Variants in CNTN6 observed in about 807,000 individuals in gnomAD.
CNTN6 encodes contactin-6.
Under a neutral mutation model 122.8 loss-of-function variants are expected in CNTN6, and 137 were observed. That is an observed-to-expected ratio of 1.12 (90% CI 0.97 to 1.29). The LOEUF (loss-of-function observed/expected upper bound fraction) is 1.29. CNTN6 is among the 50% of genes most tolerant of loss of function. CNTN6 has a pLI of 0.00. For missense variants in CNTN6, 1,634 were observed against 1,223.4 expected (o/e 1.34, Z -5.01); for synonymous variants, 570 against 426.0 (o/e 1.34, Z -4.16).
chr3:1,397,859 C>G (rs562187523), intron 20 of CNTN6, among the ~76,000 whole-genome samples: 1 of 152,198 alleles, frequency 6.6e-6, no homozygotes, highest in South Asian at 2.1e-4. Context: ...GCCCAAATGT[C>G]AACCCCATGC....
intron 2 of CNTN6, among the ~76,000 whole-genome samples, chr3:1,156,570 G>A (rs1273415476): frequency 6.6e-6 from 1 of 152,156 alleles, no homozygotes; most frequent in Non-Finnish European, 1.5e-5. Flanking sequence ...GGCAAAGGAA[G>A]AAACGATATT....
At chr3:1,255,178 TCTG>T (rs376332112) in intron 4 of CNTN6, among the ~76,000 whole-genome samples, 35 of 152,256 alleles carry the variant, frequency 2.3e-4, no homozygotes, top group African/African-American at 8.4e-4. Context: ...TATTGTCACT[TCTG>T]CTGCATTTTG....
At chr3:1,279,754 T>C (rs762689837) in intron 5 of CNTN6, among the ~76,000 whole-genome samples, 1 of 152,220 alleles carries the variant, frequency 6.6e-6, no homozygotes, top group Non-Finnish European at 1.5e-5. Context: ...CCAAATCTTA[T>C]TTATGAGCCT....
At chr3:1,350,844 G>C (rs1705512028) in intron 11 of CNTN6, among the ~76,000 whole-genome samples, 1 of 151,684 alleles carries the variant, frequency 6.6e-6, no homozygotes, top group Non-Finnish European at 1.5e-5. Context: ...GCACCCAAAA[G>C]CTTCTCACAT....
At chr3:1,278,658 A>G (rs982350942) in intron 5 of CNTN6, 150 bp downstream of exon 5, 4 of 491,936 alleles carry the variant, frequency 8.1e-6, no homozygotes, top group Non-Finnish European at 7.3e-6. Context: ...AAATAGTTCT[A>G]TATCTAAACA....
chr3:1,162,049 T>A (rs1489414018), intron 2 of CNTN6, among the ~76,000 whole-genome samples: 1 of 152,070 alleles, frequency 6.6e-6, no homozygotes, highest in Admixed American at 6.6e-5. Flanking sequence ...AGAGTTTCTT[T>A]CCTCCCTCAT....
intron 4 of CNTN6, among the ~76,000 whole-genome samples, chr3:1,244,271 C>G (rs1404945830): frequency 6.6e-6 from 1 of 152,166 alleles, no homozygotes; most frequent in East Asian, 1.9e-4. Context: ...AGGAAGCAAA[C>G]CCAGAGAAAA....
chr3:1,363,656 T>G (rs905739260), intron 12 of CNTN6, among the ~76,000 whole-genome samples: 1 of 151,984 alleles, frequency 6.6e-6, no homozygotes, highest in Non-Finnish European at 1.5e-5. Flanking sequence ...ATTTATCCAT[T>G]CATCCACTGA....
chr3:1,201,131 GTGTGT>G (rs1157971063), intron 2 of CNTN6, among the ~76,000 whole-genome samples: 4 of 150,042 alleles, frequency 2.7e-5, no homozygotes, highest in Non-Finnish European at 5.9e-5. Context: ...GTGTGTGTGT[GTGTGT>G]GTGTGTGTGT....
intron 2 of CNTN6, among the ~76,000 whole-genome samples, chr3:1,204,695 C>T (rs2093934330): frequency 6.6e-6 from 1 of 152,074 alleles, no homozygotes; most frequent in African/African-American, 2.4e-5. Context: ...AAATTTCTCC[C>T]AAAGAAGAAA....
chr3:1,257,063 C>G (rs1200806088), intron 4 of CNTN6, among the ~76,000 whole-genome samples: 1 of 151,946 alleles, frequency 6.6e-6, no homozygotes, highest in Non-Finnish European at 1.5e-5. Flanking sequence ...TAATATGTAC[C>G]CTTAGCAATC....
rs761202075 is a variant in CNTN6 at position 1,383,031 on chromosome 3, A to G, written c.2256A>G (p.Lys752=). ...PVGSTTWSKE[K]VSSVESSRFV... ...GCTCGACAACCTGGTCCAAGGAGAA[A>G]GTGTCATCTGTGGAATCATCAAGGT... is the stretch of plus-strand genomic sequence containing the variant. Residue 752 remains lysine, a synonymous_variant, in exon 18 of 23, where the codon AAA becomes AAG. Coordinates refer to ENST00000446702, the MANE Select transcript of CNTN6 (RefSeq NM_001289080.2). 1.2e-6 allele frequency: 2 copies of G among 1,614,106 alleles called. No individual in the cohort carries two copies. Among genetic ancestry groups the G allele is most frequent in the Non-Finnish European group, 1.7e-6 (2 of 1,179,928 alleles).
At chr3:1,311,479 G>A (rs1699290183) in intron 7 of CNTN6, among the ~76,000 whole-genome samples, 3 of 111,730 alleles carry the variant, frequency 2.7e-5, no homozygotes, top group African/African-American at 1.0e-4. Context: ...CATATAAAAT[G>A]TCTTTATATG....
At chr3:1,306,610 C>A (rs935011487) in intron 7 of CNTN6, among the ~76,000 whole-genome samples, 6 of 151,670 alleles carry the variant, frequency 4.0e-5, no homozygotes, top group African/African-American at 1.5e-4. Context: ...TGACTTTGGT[C>A]AGTTTTCTTA....
chr3:1,384,760 C>CATATATATACACATATATATATATATAT (rs1311888958), intron 19 of CNTN6, among the ~76,000 whole-genome samples: 21 of 100,078 alleles, frequency 2.1e-4, no homozygotes, highest in South Asian at 1.5e-3. Context: ...CATATATATA[C>CATATATATACACATATATATATATATAT]ATATATATAC....
chr3:1,338,759 T>C (rs1454403818), intron 11 of CNTN6, among the ~76,000 whole-genome samples: 1 of 152,202 alleles, frequency 6.6e-6, no homozygotes, highest in Non-Finnish European at 1.5e-5. Context: ...ATTATTCATG[T>C]AATTTATACA....
intron 11 of CNTN6, among the ~76,000 whole-genome samples, chr3:1,339,656 T>TA (rs1703601779): frequency 6.6e-6 from 1 of 152,148 alleles, no homozygotes; most frequent in Non-Finnish European, 1.5e-5. Flanking sequence ...ACAGGCTTAT[T>TA]ACGAGACTGT....
In CNTN6 at chr3:1,387,304, T is replaced by G. The variant is rs182165223; in HGVS notation, c.2704+1507T>G. ...TAGACAGGCTGGGCTGTGAGTTATTTTCAAGAATGGATTAGTTAACAATGA... is the reference window on the plus strand; with the variant it reads ...TAGACAGGCTGGGCTGTGAGTTATTGTCAAGAATGGATTAGTTAACAATGA... On this transcript the variant is annotated intron_variant, in intron 20 of 22. Coordinates refer to ENST00000446702, the MANE Select transcript of CNTN6 (RefSeq NM_001289080.2). Among the ~76,000 whole-genome samples the G allele has an allele frequency of 9.2e-5, 14 of 152,290 alleles. No homozygotes were observed. The East Asian group carries it at 2.7e-3, about 29-fold the overall frequency.
chr3:1,093,820 T>C (rs1049931013), intron 1 of CNTN6, among the ~76,000 whole-genome samples: 3 of 152,202 alleles, frequency 2.0e-5, no homozygotes, highest in South Asian at 4.1e-4. Flanking sequence ...AACAAAACTT[T>C]TAAGAGCTCT....
Sources: allele counts gnomAD v4.1 joint callset (sites outside exome capture counted in the v4.1 genomes callset), GRCh38; gene constraint gnomAD v4.1.1; transcripts MANE v1.5; gene names NCBI Gene and HGNC (gene_info 2026-07-23, HGNC 2026-07-21).